The following LRIF1 variants were observed in gnomAD, a reference collection of about 807,000 sequenced individuals.
LRIF1 encodes ligand dependent nuclear receptor interacting factor 1, also known as ligand-dependent nuclear receptor-interacting factor 1.
Under a neutral mutation model 52.7 loss-of-function variants are expected in LRIF1, and 32 were observed. That is an observed-to-expected ratio of 0.61 (90% CI 0.46 to 0.82). The LOEUF (loss-of-function observed/expected upper bound fraction) is 0.82, where lower values mean the gene tolerates loss of function less well. Ranked by LOEUF, LRIF1 falls within the 40% of genes least tolerant of loss-of-function variation. The pLI, the probability that LRIF1 is intolerant of heterozygous loss-of-function variation, is 0.00. For missense variants in LRIF1, 887 were observed against 892.0 expected (o/e 0.99, Z 0.07); for synonymous variants, 323 against 317.4 (o/e 1.02, Z -0.19).
chr1:110,910,317 G>T, the LRIF1 span, among the ~76,000 whole-genome samples: 3 of 151,734 alleles, frequency 2.0e-5, no homozygotes, highest in African/African-American at 7.3e-5. Context: ...AAAATCCCTG[G>T]GGCGGACACA....
chr1:110,958,437 T>C (rs1200106649), intron 1 of LRIF1, among the ~76,000 whole-genome samples: 2 of 136,218 alleles, frequency 1.5e-5, no homozygotes, highest in African/African-American at 5.6e-5. Context: ...TTATTGACTT[T>C]AATCTATTAG....
chr1:110,955,087 C>G (rs1658641765), intron 1 of LRIF1, among the ~76,000 whole-genome samples: 1 of 152,212 alleles, frequency 6.6e-6, no homozygotes, highest in Non-Finnish European at 1.5e-5. Context: ...TTCAGAATCT[C>G]AAACGTTCCT....
At chr1:110,909,950 T>C in the LRIF1 span, among the ~76,000 whole-genome samples, 1 of 151,978 alleles carries the variant, frequency 6.6e-6, no homozygotes, top group Admixed American at 6.6e-5. Context: ...CATTATATAA[T>C]GATAAAGGGT....
chr1:110,956,003 T>C (rs72973904), intron 1 of LRIF1, among the ~76,000 whole-genome samples: 3 of 152,334 alleles, frequency 2.0e-5, no homozygotes, highest in African/African-American at 7.2e-5. Context: ...GGAGAGATTA[T>C]GTGCATTTTC....
chr1:110,946,895 G>A (rs1469321464), downstream of LRIF1, among the ~76,000 whole-genome samples: 1 of 152,096 alleles, frequency 6.6e-6, no homozygotes, highest in African/African-American at 2.4e-5. Flanking sequence ...GACCTCAGGT[G>A]ATCCGCCCGC....
At chr1:110,941,573 G>A in the LRIF1 span, 1 of 151,854 alleles carries the variant, frequency 6.6e-6, no homozygotes, top group East Asian at 1.9e-4. Flanking sequence ...GCCTTTTATT[G>A]CCCAGAAAAG....
chr1:110,893,025 C>CT, the LRIF1 span, among the ~76,000 whole-genome samples: 1 of 152,198 alleles, frequency 6.6e-6, no homozygotes, highest in Non-Finnish European at 1.5e-5. Context: ...TAGGTGAGGG[C>CT]TCTGGCTGCA....
chr1:110,876,696 A>G, the LRIF1 span, among the ~76,000 whole-genome samples: 1 of 152,128 alleles, frequency 6.6e-6, no homozygotes, highest in South Asian at 2.1e-4. Context: ...GAATCTCAGT[A>G]TTTATAACAT....
the LRIF1 span, among the ~76,000 whole-genome samples, chr1:110,935,105 T>G: frequency 6.6e-6 from 1 of 152,238 alleles, no homozygotes; most frequent in East Asian, 1.9e-4. Flanking sequence ...TCTATGAGTC[T>G]GCAAGAACCA....
chr1:110,883,787 T>C, the LRIF1 span, among the ~76,000 whole-genome samples: 4 of 151,996 alleles, frequency 2.6e-5, no homozygotes, highest in African/African-American at 4.8e-5. Flanking sequence ...TGCCTTTCAG[T>C]GAATTCATCT....
At position 110,952,555 on chromosome 1, in the gene LRIF1, C is replaced by T. The variant is rs973560399; in HGVS notation, c.329G>A (p.Arg110Lys). 9 of 1,613,820 alleles carry T rather than the reference C, an allele frequency of 5.6e-6. No homozygotes were observed. The highest frequency in any genetic ancestry group is 1.3e-5 in the African/African-American group (1 of 74,894). The change falls in exon 2 of 4, where the codon AGA becomes AAA. Residue 110 changes from arginine to lysine, a missense_variant. Physicochemically the swap from Arg to Lys is conservative, Grantham distance 26. Coordinates refer to ENST00000369763, the MANE Select transcript of LRIF1 (RefSeq NM_018372.4). Reference sequence around the variant, plus strand: ...ACCTTTTTCTGATGTATCTACTGTTCTTGTAAGAAAATAGTTTGAAGAACT... The same window carrying T: ...ACCTTTTTCTGATGTATCTACTGTTTTTGTAAGAAAATAGTTTGAAGAACT... ...PASSSNYFLT[R>K]TVDTSEKGRV... is the part of the protein sequence containing the mutation.
chr1:110,906,584 T>A, the LRIF1 span, among the ~76,000 whole-genome samples: 2 of 151,886 alleles, frequency 1.3e-5, no homozygotes, highest in Admixed American at 6.6e-5. Flanking sequence ...ATCAAAAAAA[T>A]AAATAAATAA....
chr1:110,905,659 A>T, the LRIF1 span, among the ~76,000 whole-genome samples: 18 of 152,334 alleles, frequency 1.2e-4, no homozygotes, highest in Non-Finnish European at 2.2e-4. Flanking sequence ...ACAGAAAGAA[A>T]GGGATGTTAA....
chr1:110,958,573 T>C (rs200860933), intron 1 of LRIF1, among the ~76,000 whole-genome samples: 2 of 152,286 alleles, frequency 1.3e-5, no homozygotes, highest in East Asian at 3.9e-4. Context: ...GATGTCTATA[T>C]TTCTGCTTTA....
the LRIF1 span, among the ~76,000 whole-genome samples, chr1:110,901,086 A>G: frequency 1.3e-5 from 2 of 152,206 alleles, no homozygotes; most frequent in African/African-American, 4.8e-5. Flanking sequence ...AGTCTGTAGA[A>G]AAACCTACAA....
At chr1:110,881,363 T>G in the LRIF1 span, among the ~76,000 whole-genome samples, 1 of 152,162 alleles carries the variant, frequency 6.6e-6, no homozygotes, top group Non-Finnish European at 1.5e-5. Flanking sequence ...GAATGTACTC[T>G]TTTTTATTTA....
At chr1:110,936,415 A>G in the LRIF1 span, 1 of 152,206 alleles carries the variant, frequency 6.6e-6, no homozygotes, top group African/African-American at 2.4e-5. Context: ...TAAGATATAC[A>G]TAGAAACAGG....
At chr1:110,942,555 A>G (rs1236480674), downstream of LRIF1, among the ~76,000 whole-genome samples, 1 of 152,126 alleles carries the variant, frequency 6.6e-6, no homozygotes, top group Non-Finnish European at 1.5e-5. Context: ...AATCTAGATG[A>G]GAGATATAAT....
the LRIF1 span, among the ~76,000 whole-genome samples, chr1:110,934,050 G>A: frequency 6.6e-6 from 1 of 152,150 alleles, no homozygotes; most frequent in Non-Finnish European, 1.5e-5. Context: ...CCTTGTTCCA[G>A]ACCCTAGCTC....
Sources: allele counts gnomAD v4.1 joint callset (sites outside exome capture counted in the v4.1 genomes callset), GRCh38; gene constraint gnomAD v4.1.1; transcripts MANE v1.5; gene names NCBI Gene and HGNC (gene_info 2026-07-23, HGNC 2026-07-21).